LRFN5: variants seen among roughly 807,000 people sequenced by gnomAD.
LRFN5 encodes leucine-rich repeat and fibronectin type-III domain-containing protein 5.
Under a neutral mutation model 45.6 loss-of-function variants are expected in LRFN5, and 24 were observed. That is an observed-to-expected ratio of 0.53 (90% CI 0.38 to 0.74). LRFN5 has a LOEUF of 0.74. Ranked by LOEUF, LRFN5 falls within the 30% of genes least tolerant of loss-of-function variation. The pLI is 0.00. For missense variants in LRFN5, 776 were observed against 861.5 expected, an observed-to-expected ratio of 0.90 and a Z score of 1.24; for synonymous variants, 340 against 313.8, an observed-to-expected ratio of 1.08 and a Z score of -0.88.
intron 1 of LRFN5, among the ~76,000 whole-genome samples, chr14:41,744,262 C>A (rs1219221638): frequency 1.3e-5 from 2 of 152,012 alleles, no homozygotes; most frequent in Non-Finnish European, 2.9e-5. Flanking sequence ...GAGGCTGAGA[C>A]AGGAGTATCA....
chr14:41,814,037 AG>A (rs1375761577), intron 2 of LRFN5, among the ~76,000 whole-genome samples: 1 of 152,048 alleles, frequency 6.6e-6, no homozygotes, highest in Non-Finnish European at 1.5e-5. Context: ...AATGTGTTTA[AG>A]TTCCTTGAGA....
At chr14:41,892,979 T>C (rs1566510124) in intron 4 of LRFN5, 1 of 985,190 alleles carries the variant, frequency 1.0e-6, no homozygotes, top group Non-Finnish European at 1.2e-6. Context: ...TGTTTATTTT[T>C]ATCACCAAGT....
At chr14:41,847,347 G>A (rs924939393) in intron 2 of LRFN5, among the ~76,000 whole-genome samples, 4 of 152,034 alleles carry the variant, frequency 2.6e-5, no homozygotes, top group South Asian at 4.1e-4. Flanking sequence ...GATATTCTCC[G>A]GTAAAGAAAT....
At chr14:41,885,785 A>G (rs1262768849) in intron 2 of LRFN5, among the ~76,000 whole-genome samples, 5 of 151,922 alleles carry the variant, frequency 3.3e-5, no homozygotes, top group African/African-American at 1.2e-4. Flanking sequence ...GGGAGGCTGA[A>G]GCGGGCGGAT....
intron 2 of LRFN5, among the ~76,000 whole-genome samples, chr14:41,876,281 T>C (rs1002042802): frequency 2.6e-4 from 31 of 117,324 alleles, no homozygotes; most frequent in South Asian, 9.8e-4. Context: ...TTCTTTCTTT[T>C]TTTTTTTTTT....
In LRFN5 at chr14:41,613,049, C is replaced by T. The variant is rs926285790; in HGVS notation, c.-197+4487C>T. On this transcript the variant is annotated intron_variant, in intron 1 of 5. Transcript: ENST00000298119. ...GTTGGTTAATAAGTGATAAAAATTA[C>T]AATGGAATTACATGGTTATATAACT... Among the ~76,000 whole-genome samples, 13 of 152,096 alleles carry T rather than the reference C, an allele frequency of 8.5e-5. No individual in the cohort carries two copies. In the South Asian group the frequency reaches 2.5e-3, roughly 29 times the overall value.
intron 3 of LRFN5, among the ~76,000 whole-genome samples, chr14:41,888,531 G>A (rs1295867159): frequency 6.6e-6 from 1 of 152,114 alleles, no homozygotes; most frequent in East Asian, 1.9e-4. Flanking sequence ...CAAGTCTTGT[G>A]AATAAGGTGG....
chr14:41,757,191 C>T (rs1198311608), intron 1 of LRFN5, among the ~76,000 whole-genome samples: 1 of 152,174 alleles, frequency 6.6e-6, no homozygotes, highest in Admixed American at 6.5e-5. Context: ...CCCAGTTAGG[C>T]TACTCGGGGG....
intron 2 of LRFN5, among the ~76,000 whole-genome samples, chr14:41,836,469 T>G (rs1888666607): frequency 6.6e-6 from 1 of 152,032 alleles, no homozygotes; most frequent in African/African-American, 2.4e-5. Flanking sequence ...TGTACTTATG[T>G]GTCTGTTAAT....
rs559873959 is a variant in LRFN5 at position 41,610,754 on chromosome 14, AT to A, written c.-197+2199del. The stretch of plus-strand genomic sequence containing the variant: ...TAATTGGGAATAAATTTAAAAAAGG[AT>A]TTTTTTCTTTTATCTTCTCTCTTTT... On this transcript the variant is annotated intron_variant, in intron 1 of 5. Transcript: ENST00000298119. Among the ~76,000 whole-genome samples, 159 of 138,878 alleles carry A rather than the reference AT, an allele frequency of 1.1e-3. No individual in the cohort carries two copies. The East Asian group carries it at 0.019, about 17-fold the overall frequency. 91.1% of individuals were successfully genotyped at this position (138,878 alleles called of 152,430 possible). A position where few individuals can be genotyped will look rare whatever the true frequency, so the allele number is the denominator to read the frequency against.
chr14:41,894,139 T>C lies in LRFN5; in HGVS notation c.2098+2177T>C, dbSNP rs1419358944. 7.1e-6 allele frequency: 7 copies of C among 984,260 alleles called. No individual in the cohort carries two copies. The East Asian group carries it at 6.8e-4, about 96-fold the overall frequency. 61.0% of individuals were successfully genotyped at this position (984,260 alleles called of 1,614,324 possible). A position where few individuals can be genotyped will look rare whatever the true frequency, so the allele number is the denominator to read the frequency against. On this transcript the variant is annotated intron_variant, in intron 4 of 5. Coordinates refer to ENST00000298119, the MANE Select transcript of LRFN5 (RefSeq NM_152447.5). ...CAAAAGCTTGCAAGACTTAAAGAAA[T>C]GAATCTTCAAAGACTTTCTGGGATT...
At chr14:41,863,554 A>G (rs951443730) in intron 2 of LRFN5, among the ~76,000 whole-genome samples, 4 of 152,156 alleles carry the variant, frequency 2.6e-5, no homozygotes, top group African/African-American at 9.7e-5. Context: ...GCACTGGCCA[A>G]TTTCTACACA....
In LRFN5 at chr14:41,892,842, T is replaced by G. The variant is rs984131858; in HGVS notation, c.2098+880T>G. 6 of 985,244 alleles carry G rather than the reference T, an allele frequency of 6.1e-6. No individual in the cohort carries two copies. In the Admixed American group the frequency reaches 3.7e-4, roughly 61 times the overall value. The allele number at this position is 985,244 out of a possible 1,614,324, so 61.0% of individuals were successfully genotyped here. A position where few individuals can be genotyped will look rare whatever the true frequency, so the allele number is the denominator to read the frequency against. On this transcript the variant is annotated intron_variant, in intron 4 of 5. Coordinates refer to ENST00000298119, the MANE Select transcript of LRFN5 (RefSeq NM_152447.5). ...GTCACAGGCTACAAATTCCTATGCA[T>G]CTACATGGACATATGAAGATGTTTT...
intron 1 of LRFN5, among the ~76,000 whole-genome samples, chr14:41,760,626 GT>G (rs1475035424): frequency 2.6e-5 from 4 of 152,020 alleles, no homozygotes; most frequent in Non-Finnish European, 5.9e-5. Context: ...CAGTATTATG[GT>G]TTCTTTATGA....
chr14:41,903,817 A>T (rs1194666388), intron 5 of LRFN5, among the ~76,000 whole-genome samples: 1 of 152,004 alleles, frequency 6.6e-6, no homozygotes, highest in Non-Finnish European at 1.5e-5. Flanking sequence ...TGTTTATCTT[A>T]CCTTGAAATT....
chr14:41,792,878 A>G (rs1350565755), intron 2 of LRFN5, among the ~76,000 whole-genome samples: 2 of 151,924 alleles, frequency 1.3e-5, no homozygotes, highest in African/African-American at 4.8e-5. Flanking sequence ...GGCATAACAA[A>G]TTATAAAAGT....
At chr14:41,757,775 G>C (rs930948067) in intron 1 of LRFN5, among the ~76,000 whole-genome samples, 12 of 152,154 alleles carry the variant, frequency 7.9e-5, no homozygotes, top group East Asian at 1.9e-4. Context: ...TGCACCCACT[G>C]TCTGACACTC....
intron 1 of LRFN5, among the ~76,000 whole-genome samples, chr14:41,624,243 T>C (rs986786924): frequency 3.3e-5 from 5 of 152,152 alleles, no homozygotes; most frequent in South Asian, 2.1e-4. Flanking sequence ...TATACTTTTG[T>C]CATTTTAATC....
chr14:41,805,902 T>C (rs1887510237), intron 2 of LRFN5, among the ~76,000 whole-genome samples: 1 of 152,032 alleles, frequency 6.6e-6, no homozygotes, highest in African/African-American at 2.4e-5. Flanking sequence ...TTAGGGTATG[T>C]ATGAGGAATC....
Sources: gnomAD v4.1 joint callset for allele counts (sites outside exome capture counted in the v4.1 genomes callset) on GRCh38, gnomAD v4.1.1 for gene constraint, MANE v1.5 for transcripts, NCBI Gene and HGNC (gene_info 2026-07-23, HGNC 2026-07-21) for gene names.